Variants in ZNF506 observed in about 807,000 individuals in gnomAD.
ZNF506 encodes the protein zinc finger protein 506.
In ZNF506, 10 loss-of-function variants were observed where a neutral mutation model predicts 11.6. That is an observed-to-expected ratio of 0.86 (90% confidence interval 0.53 to 1.46). The LOEUF is 1.46. Among genes scored for constraint, ZNF506 ranks in the 40% most tolerant of loss-of-function variants. ZNF506 has a pLI of 0.00. For synonymous variants in ZNF506, 156 were observed against 173.3 expected, an observed-to-expected ratio of 0.90 and a Z score of 0.78; for missense variants, 425 against 521.2, an observed-to-expected ratio of 0.82 and a Z score of 1.80.
In ZNF506 at chr19:19,793,138, A is replaced by C. The variant is rs1291478102; in HGVS notation, c.*1414T>G. On this transcript the variant is annotated 3_prime_UTR_variant, in exon 4 of 4. Coordinates refer to ENST00000540806, the MANE Select transcript of ZNF506 (RefSeq NM_001099269.3). The stretch of plus-strand genomic sequence containing the variant: ...TGTTCAAAAATTTTTTTCAAGAAAC[A>C]AGTACACTTTCAATGAAATTACAAT... 6.6e-6 allele frequency among the ~76,000 whole-genome samples: 1 copy of C among 152,180 alleles called. No homozygotes were observed. Among genetic ancestry groups the C allele is most frequent in the Non-Finnish European group, 1.5e-5 (1 of 68,002 alleles).
rs190715666 is a variant in ZNF506 at position 19,815,086 on chromosome 19, T to A, written c.3+6515A>T. ...TCCTGGCTAACATGGTGAAACCCCA[T>A]CTCTACTAAAAATACAAAAAAAAAT... On this transcript the variant is annotated intron_variant, in intron 1 of 3. Coordinates refer to ENST00000540806, the MANE Select transcript of ZNF506 (RefSeq NM_001099269.3). Among the ~76,000 whole-genome samples the A allele has an allele frequency of 4.8e-3, 729 of 151,872 alleles. 2 individuals are homozygous for A. The highest frequency in any genetic ancestry group is 7.2e-3 in the Non-Finnish European group (486 of 67,954).
chr19:19,820,035 T>C (rs1259720023), intron 1 of ZNF506, among the ~76,000 whole-genome samples: 1 of 150,710 alleles, frequency 6.6e-6, no homozygotes, highest in East Asian at 2.0e-4. Flanking sequence ...AGGCGGACGT[T>C]GCAGTGAGGT....
intron 1 of ZNF506, among the ~76,000 whole-genome samples, chr19:19,814,932 G>GTGGA (rs2062917381): frequency 6.6e-6 from 1 of 152,216 alleles, no homozygotes; most frequent in East Asian, 1.9e-4. Context: ...GTAGAGACTT[G>GTGGA]TGGATTCTTG....
Position 19,809,897 on chromosome 19 carries a change from A to AGGCACTTCATTAAACAACATGG in ZNF506, c.4-2851_4-2830dup, listed in dbSNP as rs1164109287. ...TCTGGCCTCACCTTAGAGTCATATG[A>AGGCACTTCATTAAACAACATGG]GGCACTTCATTAAACAACATGGATG... is the stretch of plus-strand genomic sequence containing the variant. On this transcript the variant is annotated intron_variant, in intron 1 of 3. Transcript: ENST00000540806. 1.3e-3 allele frequency among the ~76,000 whole-genome samples: 191 copies of AGGCACTTCATTAAACAACATGG among 152,302 alleles called. 1 individual carries two copies. The highest frequency in any genetic ancestry group is 2.1e-3 in the Non-Finnish European group (145 of 68,022).
chr19:19,809,956 G>C (rs1463928094), intron 1 of ZNF506, among the ~76,000 whole-genome samples: 1 of 152,154 alleles, frequency 6.6e-6, no homozygotes, highest in Non-Finnish European at 1.5e-5. Flanking sequence ...AAGCTGTGGG[G>C]AGGGCACAAG....
intron 2 of ZNF506, 121 bp downstream of exon 2, chr19:19,806,821 T>A: frequency 8.1e-7 from 1 of 1,231,844 alleles, no homozygotes; most frequent in South Asian, 1.7e-5. Flanking sequence ...AAGATTTTTC[T>A]GGAAAAAGGA....
intron 1 of ZNF506, among the ~76,000 whole-genome samples, chr19:19,813,144 C>T (rs189334838): frequency 2.0e-5 from 3 of 152,178 alleles, no homozygotes; most frequent in Non-Finnish European, 2.9e-5. Context: ...CTTTATTTGT[C>T]CTGTAATAGC....
At chr19:19,799,322 A>G in intron 3 of ZNF506, 2 of 469,146 alleles carry the variant, frequency 4.3e-6, no homozygotes. Flanking sequence ...GTATATTAGT[A>G]AGGGAACAGA....
At chr19:19,796,436 C>T (rs1262948904) in intron 3 of ZNF506, 2 of 151,692 alleles carry the variant, frequency 1.3e-5, no homozygotes. Flanking sequence ...TAGAGTCTCG[C>T]TCTGTCTCCC....
chr19:19,797,608 A>G (rs2062754142), intron 3 of ZNF506: 1 of 152,112 alleles, frequency 6.6e-6, no homozygotes, highest in Non-Finnish European at 1.5e-5. Flanking sequence ...AAATTTCTTA[A>G]AAGAAAAAAT....
At chr19:19,813,005 A>G (rs972020710) in intron 1 of ZNF506, among the ~76,000 whole-genome samples, 11 of 152,204 alleles carry the variant, frequency 7.2e-5, no homozygotes, top group African/African-American at 2.7e-4. Context: ...TACATCTGAC[A>G]ACTTCCAACA....
At chr19:19,805,984 G>C (rs2062832678) in intron 3 of ZNF506, 47 bp downstream of exon 3, 2 of 1,476,658 alleles carry the variant, frequency 1.4e-6, no homozygotes, top group Non-Finnish European at 1.9e-6. Context: ...TTGACCTTGG[G>C]ACCTCTATCT....
At chr19:19,816,810 C>CTTTTTT (rs34297481) in intron 1 of ZNF506, among the ~76,000 whole-genome samples, 9 of 80,258 alleles carry the variant, frequency 1.1e-4, no homozygotes, top group Non-Finnish European at 1.6e-4. Context: ...AAAATATTTC[C>CTTTTTT]TTTTTTTTTT....
At chr19:19,802,414 A>G (rs1447961468) in intron 3 of ZNF506, among the ~76,000 whole-genome samples, 5 of 152,148 alleles carry the variant, frequency 3.3e-5, no homozygotes, top group African/African-American at 1.2e-4. Context: ...TATGTTTTAA[A>G]TATCTTCTTA....
intron 3 of ZNF506, among the ~76,000 whole-genome samples, chr19:19,802,765 G>A (rs1056705002): frequency 7.2e-5 from 11 of 152,068 alleles, no homozygotes; most frequent in African/African-American, 2.4e-4. Context: ...ATAGAAAACA[G>A]AAAGTAAAAA....
chr19:19,802,204 C>CA (rs34663133), intron 3 of ZNF506, among the ~76,000 whole-genome samples: 5,729 of 97,322 alleles, frequency 0.059, 297 homozygotes, highest in African/African-American at 0.14. Flanking sequence ...GACTCTATCT[C>CA]AAAAAAAAAA....
chr19:19,810,425 A>G (rs1274997616), intron 1 of ZNF506, among the ~76,000 whole-genome samples: 1 of 152,242 alleles, frequency 6.6e-6, no homozygotes, highest in Non-Finnish European at 1.5e-5. Flanking sequence ...TGTGCTCAAG[A>G]GTATGATACA....
chr19:19,799,262 AGTAGGATATTTCAATACCCCAC>A, intron 3 of ZNF506: 1 of 405,842 alleles, frequency 2.5e-6, no homozygotes, highest in Non-Finnish European at 4.4e-6. Flanking sequence ...ATATAATTAT[AGTAGGATATTTCAATACCCCAC>A]TTTCTGTAAT....
intron 1 of ZNF506, among the ~76,000 whole-genome samples, chr19:19,817,477 T>C (rs1032703316): frequency 1.3e-5 from 2 of 150,964 alleles, no homozygotes; most frequent in Non-Finnish European, 2.9e-5. Context: ...CTCAAAACAA[T>C]AACAACTTCA....
Sources: gnomAD v4.1 joint callset for allele counts (sites outside exome capture counted in the v4.1 genomes callset) on GRCh38, gnomAD v4.1.1 for gene constraint, MANE v1.5 for transcripts, NCBI Gene and HGNC (gene_info 2026-07-23, HGNC 2026-07-21) for gene names.